KCNQ4: variants seen among roughly 807,000 people sequenced by gnomAD.
KCNQ4 encodes the protein potassium voltage-gated channel subfamily Q member 4.
In KCNQ4, 31 loss-of-function variants were observed where a neutral mutation model predicts 72.6. That is an observed-to-expected ratio of 0.43 (90% CI 0.32 to 0.58). The LOEUF (loss-of-function observed/expected upper bound fraction) is 0.58. Among genes scored for constraint, KCNQ4 ranks in the 20% least tolerant of loss-of-function variants. The pLI is 0.08. For synonymous variants in KCNQ4, 405 were observed against 403.7 expected (o/e 1.00, Z -0.04); for missense variants, 869 against 962.6 (o/e 0.90, Z 1.29).
At chr1:40,822,085 C>G (rs1201066293) in intron 7 of KCNQ4, among the ~76,000 whole-genome samples, 1 of 152,218 alleles carries the variant, frequency 6.6e-6, no homozygotes, top group Non-Finnish European at 1.5e-5. Context: ...CCTCTATGCT[C>G]TATGGCCCCT....
intron 9 of KCNQ4, among the ~76,000 whole-genome samples, chr1:40,830,244 C>A (rs1648597710): frequency 1.3e-5 from 2 of 152,190 alleles, no homozygotes; most frequent in Non-Finnish European, 2.9e-5. Context: ...GAGACCCTCA[C>A]TGAGAGGGCA....
intron 1 of KCNQ4, among the ~76,000 whole-genome samples, chr1:40,787,642 C>G (rs566737898): frequency 6.6e-6 from 1 of 152,226 alleles, no homozygotes; most frequent in East Asian, 1.9e-4. Context: ...CCACTGAGCC[C>G]CTCTCCAAGC....
At chr1:40,797,083 C>T (rs796188949) in intron 1 of KCNQ4, among the ~76,000 whole-genome samples, 3 of 152,366 alleles carry the variant, frequency 2.0e-5, no homozygotes, top group African/African-American at 7.2e-5. Context: ...CCGGGCCAGG[C>T]CCTGTGCCAG....
chr1:40,837,744 G>C lies in KCNQ4; in HGVS notation c.1825G>C (p.Val609Leu). The C allele has an allele frequency of 6.2e-7, 1 of 1,612,752 alleles. No homozygotes were observed. ...CGACAAGGGGCCCTCCGACGCGGAGGTGGTGGATGAAATCAGCATGATGGG... is the reference window on the plus strand; with the variant it reads ...CGACAAGGGGCCCTCCGACGCGGAGCTGGTGGATGAAATCAGCATGATGGG... ...KGDKGPSDAE[V>L]VDEISMMGRV... The change falls in exon 13 of 14, where the codon GTG becomes CTG. Residue 609 changes from valine (V) to leucine (L), a missense_variant. This residue lies in a region of KCNQ4 where 480 missense variants were observed against 501.9 expected (regional missense o/e 0.96). Transcript: ENST00000347132.
At chr1:40,830,125 T>C (rs561260891) in intron 9 of KCNQ4, among the ~76,000 whole-genome samples, 34 of 152,052 alleles carry the variant, frequency 2.2e-4, no homozygotes, top group African/African-American at 8.2e-4. Flanking sequence ...CAGTAGGCAG[T>C]ATCGGGGGGT....
chr1:40,793,787 G>C (rs1006591624), intron 1 of KCNQ4, among the ~76,000 whole-genome samples: 5 of 152,128 alleles, frequency 3.3e-5, no homozygotes, highest in Non-Finnish European at 7.4e-5. Context: ...GCATCATCTA[G>C]CTAACTCCTA....
intron 1 of KCNQ4, among the ~76,000 whole-genome samples, chr1:40,810,041 C>CA (rs1647880416): frequency 7.3e-6 from 1 of 136,210 alleles, no homozygotes; most frequent in Non-Finnish European, 1.6e-5. Context: ...GCCTGGGCGA[C>CA]AGAGTGAGAC....
At chr1:40,789,103 T>C (rs751969527) in intron 1 of KCNQ4, among the ~76,000 whole-genome samples, 30 of 152,176 alleles carry the variant, frequency 2.0e-4, no homozygotes, top group Non-Finnish European at 4.1e-4. Flanking sequence ...CTTGCGGGTC[T>C]GTGTGTATTT....
rs766877660 is a variant in KCNQ4, at chr1:40,819,472, G to A, written c.834G>A (p.Thr278=). Residue 278 remains threonine (T), a splice_region_variant and synonymous_variant, in exon 5 of 14, where the codon ACG becomes ACA. Coordinates refer to ENST00000347132, the MANE Select transcript of KCNQ4 (RefSeq NM_004700.4). ...SSYADSLWWG[T]ITLTTIGYGD... ...ACGCCGACTCGCTCTGGTGGGGGAC[G>A]GTGCGTGAGGGTCTTTGTAGGGCTG... 4 of 1,613,672 alleles carry A rather than the reference G, an allele frequency of 2.5e-6. No individual in the cohort carries two copies. The highest frequency in any genetic ancestry group is 2.2e-5 in the East Asian group (1 of 44,872).
rs982733835 is a variant in KCNQ4, at chr1:40,794,411, T to C, written c.314+10004T>C. Among the ~76,000 whole-genome samples, 2 of 152,212 alleles carry C rather than the reference T, an allele frequency of 1.3e-5. No individual in the cohort carries two copies. The highest frequency in any genetic ancestry group is 2.9e-5 in the Non-Finnish European group (2 of 68,044). ...CCAGTACCCGCTAGGTAGCAGGCAC[T>C]ATTATTGTTCCCATTTTGCAGACAA... On this transcript the variant is annotated intron_variant, in intron 1 of 13. Coordinates refer to ENST00000347132, the MANE Select transcript of KCNQ4 (RefSeq NM_004700.4). The surrounding 1 kb of genome is among the most constrained non-coding windows in gnomAD (Gnocchi z 4.2).
chr1:40,832,327 G>C (rs1648674794), intron 10 of KCNQ4, among the ~76,000 whole-genome samples: 2 of 152,166 alleles, frequency 1.3e-5, no homozygotes, highest in African/African-American at 4.8e-5. Flanking sequence ...GCTGCTGGCT[G>C]ACACCTCAGA....
intron 1 of KCNQ4, among the ~76,000 whole-genome samples, chr1:40,810,106 A>G (rs1026469083): frequency 2.0e-5 from 3 of 151,428 alleles, no homozygotes; most frequent in Non-Finnish European, 4.4e-5. Context: ...CTTTGGGATC[A>G]TGTTCACAGT....
At position 40,838,654 on chromosome 1, in the gene KCNQ4, T is replaced by G. The variant is rs979128727; in HGVS notation, c.*131T>G. 5 of 861,282 alleles carry G rather than the reference T, an allele frequency of 5.8e-6. No individual in the cohort carries two copies. The highest frequency in any genetic ancestry group is 9.5e-6 in the Non-Finnish European group (5 of 526,754). The allele number at this position is 861,282 out of a possible 1,614,324, so 53.4% of individuals were successfully genotyped here. On this transcript the variant is annotated 3_prime_UTR_variant, in exon 14 of 14. Coordinates refer to ENST00000347132, the MANE Select transcript of KCNQ4 (RefSeq NM_004700.4). ...CGGGGAGAGAGACCACACGCAGTATTGAGCTGCCTGAGTGGGCGTGGTACC... is the reference window on the plus strand; with the variant it reads ...CGGGGAGAGAGACCACACGCAGTATGGAGCTGCCTGAGTGGGCGTGGTACC...
chr1:40,793,399 T>C (rs563248611), intron 1 of KCNQ4, among the ~76,000 whole-genome samples: 8 of 152,160 alleles, frequency 5.3e-5, no homozygotes, highest in Non-Finnish European at 1.2e-4. Context: ...CCCTTGAATG[T>C]TGGGGCTTTG....
At position 40,819,557 on chromosome 1, in the gene KCNQ4, C is replaced by T. The variant is rs931358826; in HGVS notation, c.834+85C>T. On this transcript the variant is annotated intron_variant, in intron 5 of 13. Transcript: ENST00000347132. Reference sequence around the variant, plus strand: ...GAGGTCTGCCCATCGTGACTCCTGACTCAGGGTTGAGCGGGCCTGCCCCTG... The same window carrying T: ...GAGGTCTGCCCATCGTGACTCCTGATTCAGGGTTGAGCGGGCCTGCCCCTG... The T allele has an allele frequency of 1.9e-6, 3 of 1,571,852 alleles. No homozygotes were observed. In the African/African-American group the frequency reaches 4.0e-5, roughly 21 times the overall value.
chr1:40,826,636 A>G (rs1350531514), intron 9 of KCNQ4: 1 of 455,762 alleles, frequency 2.2e-6, no homozygotes. Context: ...TCAAACTTCC[A>G]GCCAGATGTT....
intron 13 of KCNQ4, 107 bp from the exon 14 acceptor site, chr1:40,838,204 G>A: frequency 6.3e-6 from 6 of 952,120 alleles, no homozygotes; most frequent in Non-Finnish European, 9.9e-6. Context: ...TCCCAGATAA[G>A]CCCCGCCCAC....
rs533158564 is a variant in KCNQ4, at chr1:40,802,755, T to C, written c.315-14510T>C. On this transcript the variant is annotated intron_variant, in intron 1 of 13. Coordinates refer to ENST00000347132, the MANE Select transcript of KCNQ4 (RefSeq NM_004700.4). ...GGTGTCTGCTTCCCTTGTCCCTACG[T>C]GAACCCAAGCCTTTCTGCAACCCCT... is the stretch of plus-strand genomic sequence containing the variant. Among the ~76,000 whole-genome samples, 12 of 152,258 alleles carry C rather than the reference T, an allele frequency of 7.9e-5. No individual in the cohort carries two copies. The South Asian group carries it at 2.1e-3, about 26-fold the overall frequency.
chr1:40,819,600 G>GTCTCAGGGGGGTCCCAGCTCTA, intron 5 of KCNQ4, 128 bp downstream of exon 5: 1 of 1,315,950 alleles, frequency 7.6e-7, no homozygotes, highest in Non-Finnish European at 1.1e-6. Flanking sequence ...ACTAGAGCTG[G>GTCTCAGGGGGGTCCCAGCTCTA]GACCCCCCTG....
Sources: gnomAD v4.1 joint callset for allele counts (sites outside exome capture counted in the v4.1 genomes callset) on GRCh38, gnomAD v4.1.1 for gene constraint, gnomAD v4.1.1 regional missense constraint, Gnocchi (gnomAD v3.1) non-coding constraint, MANE v1.5 for transcripts, NCBI Gene and HGNC (gene_info 2026-07-23, HGNC 2026-07-21) for gene names.